Variants in PRKAA1 observed in about 807,000 individuals in gnomAD.
The protein encoded by PRKAA1 is 5'-AMP-activated protein kinase catalytic subunit alpha-1.
A neutral mutation model predicts 56.9 loss-of-function variants in PRKAA1; 23 were observed. That is an observed-to-expected ratio of 0.40 (90% CI 0.29 to 0.57). The LOEUF is 0.57. Ranked by LOEUF, PRKAA1 falls within the 20% of genes least tolerant of loss-of-function variation. The probability of loss-of-function intolerance (pLI) is 0.39; values close to 1 mark genes in which losing one functional copy is unlikely to be tolerated. For synonymous variants in PRKAA1, 226 were observed against 227.0 expected (o/e 1.00, Z 0.04); for missense variants, 413 against 679.7 (o/e 0.61, Z 4.36).
intron 1 of PRKAA1, among the ~76,000 whole-genome samples, chr5:40,781,457 G>A (rs12188129): frequency 0.11 from 17,023 of 152,088 alleles, 1,308 homozygotes; most frequent in Non-Finnish European, 0.17. Context: ...GAAAAACTAA[G>A]AGAATCTCAA....
chr5:40,768,073 A>G (rs142626391), intron 5 of PRKAA1, among the ~76,000 whole-genome samples: 257 of 148,068 alleles, frequency 1.7e-3, no homozygotes, highest in African/African-American at 6.0e-3. Flanking sequence ...CACAATCCCA[A>G]TAACACAAGA....
chr5:40,792,041 CA>C (rs1268577077), intron 1 of PRKAA1, among the ~76,000 whole-genome samples: 2 of 152,176 alleles, frequency 1.3e-5, no homozygotes, highest in African/African-American at 4.8e-5. Flanking sequence ...TTCAAAAGTA[CA>C]AAAGCATCTA....
In PRKAA1 at chr5:40,771,811, T is replaced by C. The variant is rs966217070; in HGVS notation, c.416A>G (p.Asp139Gly). ...GACCACCATATGCCTGTGACAATAATCCACACCAGAAAGGATCTGTTGGAA... is the reference window on the plus strand; with the variant it reads ...GACCACCATATGCCTGTGACAATAACCCACACCAGAAAGGATCTGTTGGAA... Reference protein sequence around the residue: ...RLFQQILSGVDYCHRHMVVHR... With the variant: ...RLFQQILSGVGYCHRHMVVHR... Residue 139 changes from aspartate (D) to glycine (G), a missense_variant, in exon 4 of 9, where the codon GAT becomes GGT. By Grantham distance (94) the Asp-to-Gly change is moderately conservative. Transcript: ENST00000397128. 1 of 1,613,188 alleles carries C rather than the reference T, an allele frequency of 6.2e-7. No individual in the cohort carries two copies. The highest frequency in any genetic ancestry group is 8.5e-7 in the Non-Finnish European group (1 of 1,179,792).
At chr5:40,769,269 A>C (rs1743611235) in intron 5 of PRKAA1, 147 bp downstream of exon 5, 1 of 652,716 alleles carries the variant, frequency 1.5e-6, no homozygotes, top group South Asian at 2.3e-5. Context: ...GTAGTCCTTA[A>C]CCCTCATTCA....
rs1482307465 is a variant in PRKAA1 at position 40,760,661 on chromosome 5, A to C, written c.*2117T>G. 6.5e-6 allele frequency: 1 copy of C among 152,750 alleles called. No individual in the cohort carries two copies. Among genetic ancestry groups the C allele is most frequent in the African/African-American group, 2.4e-5 (1 of 41,458 alleles). The allele number at this position is 152,750 out of a possible 1,614,324, so 9.5% of individuals were successfully genotyped here. A position where few individuals can be genotyped will look rare whatever the true frequency, so the allele number is the denominator to read the frequency against. On this transcript the variant is annotated 3_prime_UTR_variant, in exon 9 of 9. Transcript: ENST00000397128. The stretch of plus-strand genomic sequence containing the variant: ...GCTTTCAAATTAGAAGTTGAATAGA[A>C]CAAGCCCTGGACAAAAAGCAGCAAG...
At chr5:40,783,748 G>C (rs1167004386) in intron 1 of PRKAA1, among the ~76,000 whole-genome samples, 1 of 151,666 alleles carries the variant, frequency 6.6e-6, no homozygotes, top group Non-Finnish European at 1.5e-5. Flanking sequence ...AACAGAGCGA[G>C]ACTCCATCTC....
At chr5:40,770,127 T>C (rs199992725) in intron 4 of PRKAA1, among the ~76,000 whole-genome samples, 2 of 148,914 alleles carry the variant, frequency 1.3e-5, no homozygotes, top group African/African-American at 4.9e-5. Flanking sequence ...GTTATAGATA[T>C]AGATACATAG....
intron 3 of PRKAA1, among the ~76,000 whole-genome samples, chr5:40,772,648 T>G (rs1208440397): frequency 6.6e-6 from 1 of 152,154 alleles, no homozygotes; most frequent in Non-Finnish European, 1.5e-5. Context: ...TTTATCTATA[T>G]TTTGAGATCC....
In PRKAA1 at chr5:40,764,870, G is replaced by T; in HGVS notation, c.1190C>A (p.Ser397Tyr). Reference sequence around the variant, plus strand: ...TGCTTTCCTTACACCTTGGTGTTTGGATTTCTGTGGATTTAATTCATCAAG... The same window carrying T: ...TGCTTTCCTTACACCTTGGTGTTTGTATTTCTGTGGATTTAATTCATCAAG... ...HTLDELNPQKSKHQGVRKAKW... is the reference protein window; with the variant it reads ...HTLDELNPQKYKHQGVRKAKW... Residue 397 changes from serine (S) to tyrosine (Y), a missense_variant, in exon 7 of 9, where the codon TCC (serine) becomes TAC (tyrosine). By Grantham distance (144) the Ser-to-Tyr change is moderately radical (BLOSUM62 -2). Around this residue, in one of 9 missense-constraint regions of PRKAA1, gnomAD observed 50 missense variants for 87.7 expected, o/e 0.57. Transcript: ENST00000397128. 6.2e-7 allele frequency: 1 copy of T among 1,614,078 alleles called. No homozygotes were observed. Among genetic ancestry groups the T allele is most frequent in the Non-Finnish European group, 8.5e-7 (1 of 1,180,022 alleles).
chr5:40,770,729 C>T (rs1561171578), intron 4 of PRKAA1, among the ~76,000 whole-genome samples: 2 of 150,514 alleles, frequency 1.3e-5, no homozygotes, highest in East Asian at 3.9e-4. Flanking sequence ...GTAGTGGGGA[C>T]TATAGGCACG....
intron 4 of PRKAA1, 122 bp from the exon 5 acceptor site, chr5:40,769,625 C>T (rs1342272001): frequency 2.5e-6 from 2 of 804,384 alleles, no homozygotes; most frequent in Admixed American, 2.4e-5. Flanking sequence ...TTTGCTTCAA[C>T]AAAATCCTAT....
At chr5:40,778,900 A>T (rs1225147839) in intron 1 of PRKAA1, among the ~76,000 whole-genome samples, 1 of 144,856 alleles carries the variant, frequency 6.9e-6, no homozygotes, top group Non-Finnish European at 1.5e-5. Context: ...TGATCAGGTG[A>T]TCCTCCCATC....
chr5:40,768,399 TTC>T, intron 5 of PRKAA1: 1 of 910,554 alleles, frequency 1.1e-6, no homozygotes, highest in Non-Finnish European at 1.3e-6. Context: ...GTTATAACAT[TTC>T]TTTTTATTTA....
At chr5:40,790,121 T>C (rs956389600) in intron 1 of PRKAA1, 1 of 152,194 alleles carries the variant, frequency 6.6e-6, no homozygotes, top group African/African-American at 2.4e-5. Flanking sequence ...AGACATGATT[T>C]TGAGGGGGCC....
intron 1 of PRKAA1, among the ~76,000 whole-genome samples, chr5:40,790,896 T>G (rs1054843216): frequency 1.3e-5 from 2 of 152,218 alleles, no homozygotes; most frequent in Non-Finnish European, 2.9e-5. Flanking sequence ...GACACTCACA[T>G]TATCACATTT....
At chr5:40,796,268 A>G (rs1744925310) in intron 1 of PRKAA1, among the ~76,000 whole-genome samples, 1 of 152,078 alleles carries the variant, frequency 6.6e-6, no homozygotes, top group African/African-American at 2.4e-5. Context: ...ATGAGCCAAG[A>G]TCACACCACA....
At chr5:40,763,294 A>C (rs1743281155) in intron 8 of PRKAA1, among the ~76,000 whole-genome samples, 1 of 152,222 alleles carries the variant, frequency 6.6e-6, no homozygotes, top group East Asian at 1.9e-4. Context: ...TAAACCAACA[A>C]TCTAGGGATT....
intron 2 of PRKAA1, among the ~76,000 whole-genome samples, chr5:40,776,190 G>A (rs1200883058): frequency 1.3e-5 from 2 of 152,202 alleles, no homozygotes; most frequent in Non-Finnish European, 2.9e-5. Flanking sequence ...CAGCAATAAA[G>A]GAACTGAGAA....
intron 1 of PRKAA1, among the ~76,000 whole-genome samples, chr5:40,779,933 A>C (rs1408468105): frequency 6.6e-6 from 1 of 152,184 alleles, no homozygotes; most frequent in Non-Finnish European, 1.5e-5. Context: ...ATTCTCTAAA[A>C]GCCTTTACAG....
Sources: gnomAD v4.1 joint callset for allele counts (sites outside exome capture counted in the v4.1 genomes callset) on GRCh38, gnomAD v4.1.1 for gene constraint, gnomAD v4.1.1 regional missense constraint, MANE v1.5 for transcripts, NCBI Gene and HGNC (gene_info 2026-07-23, HGNC 2026-07-21) for gene names.